Variants in GRK3 observed in about 807,000 individuals in gnomAD.
The protein encoded by GRK3 is adrenergic, beta, receptor kinase 2.
A neutral mutation model predicts 95.7 loss-of-function variants in GRK3; 54 were observed. That is an observed-to-expected ratio of 0.56 (90% confidence interval 0.45 to 0.71). The LOEUF (loss-of-function observed/expected upper bound fraction) is 0.71, where lower values mean the gene tolerates loss of function less well. GRK3 is among the 30% of genes least tolerant of loss of function. The pLI, the probability that GRK3 is intolerant of heterozygous loss-of-function variation, is 0.00. For synonymous variants in GRK3, 281 were observed against 290.8 expected, an observed-to-expected ratio of 0.97 and a Z score of 0.34; for missense variants, 649 against 851.2, an observed-to-expected ratio of 0.76 and a Z score of 2.96.
chr22:25,677,377 TA>T (rs376997700), intron 8 of GRK3, among the ~76,000 whole-genome samples: 604 of 42,578 alleles, frequency 0.014, no homozygotes, highest in African/African-American at 0.043. Context: ...CCCCATATCT[TA>T]AAAAAAAAAA....
intron 6 of GRK3, among the ~76,000 whole-genome samples, chr22:25,671,635 C>T (rs2084983902): frequency 1.3e-5 from 2 of 152,210 alleles, no homozygotes; most frequent in Admixed American, 1.3e-4. Context: ...AGCCTCTGAA[C>T]ATTTTGATGC....
intron 13 of GRK3, among the ~76,000 whole-genome samples, chr22:25,703,167 A>G (rs1225636178): frequency 6.6e-6 from 1 of 152,208 alleles, no homozygotes; most frequent in Admixed American, 6.5e-5. Context: ...TCGAACTCTC[A>G]TATGACAAAT....
At chr22:25,659,344 C>T (rs143324657) in intron 3 of GRK3, among the ~76,000 whole-genome samples, 22 of 152,238 alleles carry the variant, frequency 1.4e-4, no homozygotes, top group Non-Finnish European at 2.9e-4. Flanking sequence ...TTCACTAGAC[C>T]ATCTCACTAC....
intron 1 of GRK3, among the ~76,000 whole-genome samples, chr22:25,590,713 C>G (rs995238997): frequency 3.3e-5 from 5 of 152,064 alleles, no homozygotes; most frequent in African/African-American, 4.8e-5. Context: ...CCCAGCTACT[C>G]GAGAGGCTGA....
At chr22:25,706,562 G>T (rs541496542) in intron 15 of GRK3, among the ~76,000 whole-genome samples, 2 of 151,836 alleles carry the variant, frequency 1.3e-5, no homozygotes, top group African/African-American at 4.8e-5. Flanking sequence ...ATTGAGTCTC[G>T]CTCTGTTACC....
intron 1 of GRK3, among the ~76,000 whole-genome samples, chr22:25,567,083 T>A (rs2146307296): frequency 6.6e-6 from 1 of 152,328 alleles, no homozygotes; most frequent in Middle Eastern, 3.4e-3. Context: ...AGTGGTATTC[T>A]TTGGTAATGC....
intron 9 of GRK3, among the ~76,000 whole-genome samples, chr22:25,680,803 A>G (rs1001283247): frequency 5.3e-5 from 8 of 152,172 alleles, no homozygotes; most frequent in Admixed American, 4.6e-4. Context: ...TAATCAGGGG[A>G]TACTTTCTAT....
intron 19 of GRK3, among the ~76,000 whole-genome samples, chr22:25,720,765 G>A (rs1002308102): frequency 2.0e-5 from 3 of 151,986 alleles, no homozygotes; most frequent in Non-Finnish European, 4.4e-5. Context: ...ATGAGCCACC[G>A]CGCCCAGCCT....
chr22:25,616,428 C>T (rs1053972117), intron 2 of GRK3, among the ~76,000 whole-genome samples: 1 of 151,848 alleles, frequency 6.6e-6, no homozygotes, highest in Admixed American at 6.6e-5. Context: ...GGCGAGGTGC[C>T]ACACGCTGTT....
At chr22:25,624,721 G>C (rs1026028415) in intron 2 of GRK3, among the ~76,000 whole-genome samples, 6 of 152,074 alleles carry the variant, frequency 3.9e-5, no homozygotes, top group African/African-American at 1.4e-4. Flanking sequence ...ACTGATCCTT[G>C]AGATCAAAGC....
At chr22:25,585,920 A>G (rs112125026) in intron 1 of GRK3, among the ~76,000 whole-genome samples, 334 of 151,576 alleles carry the variant, frequency 2.2e-3, no homozygotes, top group African/African-American at 7.8e-3. Context: ...TGCTATATAC[A>G]CTCTTACTTG....
intron 1 of GRK3, among the ~76,000 whole-genome samples, chr22:25,570,923 C>CGT (rs1931677569): frequency 6.6e-6 from 1 of 152,136 alleles, no homozygotes; most frequent in Admixed American, 6.5e-5. Flanking sequence ...TCCACTGGAG[C>CGT]ATACACATAT....
chr22:25,721,178 C>T (rs2085429615), intron 19 of GRK3, 106 bp from the exon 20 acceptor site: 5 of 548,934 alleles, frequency 9.1e-6, no homozygotes, highest in South Asian at 5.6e-5. Context: ...GAAAGAAAAC[C>T]GAATGTGTTT....
chr22:25,658,080 A>C (rs1258808051), intron 3 of GRK3, among the ~76,000 whole-genome samples: 2 of 151,934 alleles, frequency 1.3e-5, no homozygotes, highest in Non-Finnish European at 2.9e-5. Context: ...TCGTTACATG[A>C]ATATTTTCTG....
chr22:25,566,804 C>A (rs1249850518), intron 1 of GRK3, among the ~76,000 whole-genome samples: 1 of 152,168 alleles, frequency 6.6e-6, no homozygotes, highest in East Asian at 1.9e-4. Context: ...TTTTGTCTTG[C>A]CTTTCCTAGT....
chr22:25,709,942 G>A lies in GRK3; in HGVS notation c.1373G>A (p.Trp458Ter). 6.2e-7 allele frequency: 1 copy of A among 1,613,744 alleles called. No homozygotes were observed. The highest frequency in any genetic ancestry group is 8.5e-7 in the Non-Finnish European group (1 of 1,179,664). The change falls in exon 16 of 21, where the codon TGG (tryptophan) becomes TAG (stop). Residue 458 changes from tryptophan (W) to a stop codon, truncating the protein, a stop_gained. Coordinates refer to ENST00000324198, the MANE Select transcript of GRK3 (RefSeq NM_005160.4). LOFTEE classifies it high-confidence loss of function. ...CACAGCTTTTTCAAAGGTGTTGACT[G>A]GCAGCATGTCTACTTACAAAAGGTA... The part of the protein sequence containing the change: ...KEHSFFKGVD[W>*]QHVYLQKYPP...
At chr22:25,647,703 AGCGCCT>A in intron 3 of GRK3, 1 of 1,344,554 alleles carries the variant, frequency 7.4e-7, no homozygotes, top group Non-Finnish European at 1.1e-6. Flanking sequence ...GCAGTTATGT[AGCGCCT>A]GCAGATTCCA....
At chr22:25,616,604 T>A (rs1401456335) in intron 2 of GRK3, among the ~76,000 whole-genome samples, 1 of 152,084 alleles carries the variant, frequency 6.6e-6, no homozygotes, top group Non-Finnish European at 1.5e-5. Context: ...AGAGACCTCT[T>A]AGAAAGCTAA....
intron 9 of GRK3, among the ~76,000 whole-genome samples, chr22:25,682,008 C>A (rs908530805): frequency 6.6e-6 from 1 of 152,074 alleles, no homozygotes; most frequent in Non-Finnish European, 1.5e-5. Context: ...TGTTCAGCAC[C>A]CCGAGAGGTG....
Sources: allele counts gnomAD v4.1 joint callset (sites outside exome capture counted in the v4.1 genomes callset), GRCh38; gene constraint gnomAD v4.1.1; transcripts MANE v1.5; gene names NCBI Gene and HGNC (gene_info 2026-07-23, HGNC 2026-07-21).